The following GRM1 variants were observed in gnomAD, a reference collection of about 807,000 sequenced individuals.
GRM1 encodes the protein metabotropic glutamate receptor 1.
A neutral mutation model predicts 90.9 loss-of-function variants in GRM1; 33 were observed. The ratio of observed to expected loss-of-function variants is 0.36; its 90% CI spans 0.28 to 0.49. The LOEUF is 0.49. Ranked by LOEUF, GRM1 falls within the 20% of genes least tolerant of loss-of-function variation. The pLI, the probability that GRM1 is intolerant of heterozygous loss-of-function variation, is 0.99. For synonymous variants in GRM1, 700 were observed against 613.2 expected, an observed-to-expected ratio of 1.14 and a Z score of -2.09; for missense variants, 1,190 against 1,534.3, an observed-to-expected ratio of 0.78 and a Z score of 3.75.
intron 1 of GRM1, among the ~76,000 whole-genome samples, chr6:146,051,812 T>C (rs1775301732): frequency 6.6e-6 from 1 of 152,080 alleles, no homozygotes; most frequent in South Asian, 2.1e-4. Flanking sequence ...TCATCACTAC[T>C]GTTTCCCAAG....
chr6:146,226,313 C>G (rs756781870), intron 2 of GRM1, among the ~76,000 whole-genome samples: 1 of 152,004 alleles, frequency 6.6e-6, no homozygotes, highest in Non-Finnish European at 1.5e-5. Context: ...GTTGCAATTT[C>G]AGGAAAAATC....
chr6:146,338,623 G>A (rs542894077), intron 3 of GRM1, among the ~76,000 whole-genome samples: 3 of 152,312 alleles, frequency 2.0e-5, no homozygotes, highest in South Asian at 2.1e-4. Context: ...TATGCTAAAC[G>A]TCTATAGGAG....
At chr6:146,030,657 C>T (rs1394624827) in intron 1 of GRM1, among the ~76,000 whole-genome samples, 1 of 152,172 alleles carries the variant, frequency 6.6e-6, no homozygotes, top group Non-Finnish European at 1.5e-5. Context: ...GACTTCAAAG[C>T]TTTATCTTTC....
At chr6:146,301,010 T>C (rs1783358950) in intron 2 of GRM1, among the ~76,000 whole-genome samples, 1 of 152,202 alleles carries the variant, frequency 6.6e-6, no homozygotes, top group African/African-American at 2.4e-5. Context: ...TGAAACACTT[T>C]GAAAGTATAA....
intron 1 of GRM1, among the ~76,000 whole-genome samples, chr6:146,130,666 T>C (rs146053175): frequency 6.6e-6 from 1 of 152,238 alleles, no homozygotes; most frequent in Non-Finnish European, 1.5e-5. Context: ...ATTTTTGTAC[T>C]AAAATTTCAC....
At chr6:146,190,905 T>C (rs554110256) in intron 2 of GRM1, among the ~76,000 whole-genome samples, 12 of 152,302 alleles carry the variant, frequency 7.9e-5, no homozygotes, top group African/African-American at 2.9e-4. Flanking sequence ...ATTTACGTAT[T>C]ATAGGCTGAT....
chr6:146,313,827 T>C (rs979753933), intron 3 of GRM1, among the ~76,000 whole-genome samples: 3 of 152,100 alleles, frequency 2.0e-5, no homozygotes, highest in African/African-American at 7.2e-5. Flanking sequence ...TCAAATTCCT[T>C]TGTGCCTCAT....
intron 3 of GRM1, among the ~76,000 whole-genome samples, chr6:146,325,728 G>A (rs1484626923): frequency 6.6e-6 from 1 of 152,142 alleles, no homozygotes; most frequent in African/African-American, 2.4e-5. Context: ...AAATTAATCT[G>A]TGAAGATTTC....
intron 2 of GRM1, chr6:146,171,202 A>G (rs1445320013): frequency 6.6e-6 from 1 of 152,184 alleles, no homozygotes; most frequent in Non-Finnish European, 1.5e-5. Context: ...TTGCAGAGGA[A>G]GTATGTATTT....
chr6:146,435,185 AG>A lies in GRM1; in HGVS notation c.*391del. On this transcript the variant is annotated 3_prime_UTR_variant, in exon 8 of 8. Coordinates refer to ENST00000282753, the MANE Select transcript of GRM1 (RefSeq NM_001278064.2). The stretch of plus-strand genomic sequence containing the variant: ...CACACACACTGGGCCATGCTTGCCA[AG>A]GAACAGCCCACGTGGACATGCCAGT... 2.9e-6 allele frequency: 1 copy of A among 349,258 alleles called. No homozygotes were observed. Among genetic ancestry groups the A allele is most frequent in the Non-Finnish European group, 5.5e-6 (1 of 180,868 alleles). 21.6% of individuals were successfully genotyped at this position (349,258 alleles called of 1,614,324 possible).
At position 146,191,198 on chromosome 6, in the gene GRM1, C is replaced by A. The variant is rs766108062; in HGVS notation, c.950+31601C>A. On this transcript the variant is annotated intron_variant, in intron 2 of 7. Transcript: ENST00000282753. ...CTGGATTAGGCTTCTTGCCATCGTG[C>A]CCCCATTCCTTTCAGTGTCTTCTCT... is the stretch of plus-strand genomic sequence containing the variant. 4.6e-5 allele frequency among the ~76,000 whole-genome samples: 7 copies of A among 152,168 alleles called. No homozygotes were observed. In the East Asian group the frequency reaches 1.3e-3, roughly 29 times the overall value.
At chr6:146,270,122 T>C (rs2114818690) in intron 2 of GRM1, among the ~76,000 whole-genome samples, 1 of 152,180 alleles carries the variant, frequency 6.6e-6, no homozygotes, top group East Asian at 1.9e-4. Flanking sequence ...AAAAATTAGA[T>C]TTAGGTAGGT....
At chr6:146,380,238 G>T (rs1776269418) in intron 5 of GRM1, among the ~76,000 whole-genome samples, 1 of 152,086 alleles carries the variant, frequency 6.6e-6, no homozygotes, top group South Asian at 2.1e-4. Context: ...AGTTCCATCT[G>T]GGAGTCAAAG....
At chr6:146,280,006 T>C (rs529274780) in intron 2 of GRM1, among the ~76,000 whole-genome samples, 82 of 152,356 alleles carry the variant, frequency 5.4e-4, no homozygotes, top group Admixed American at 1.8e-3. Flanking sequence ...TAGGATTTTA[T>C]TGAACTTCTT....
chr6:146,415,503 C>A (rs184637915), intron 7 of GRM1, among the ~76,000 whole-genome samples: 1 of 152,328 alleles, frequency 6.6e-6, no homozygotes, highest in African/African-American at 2.4e-5. Context: ...CTTTTGTCAA[C>A]ATCAACTGAA....
chr6:146,061,651 G>T (rs1250395962), intron 1 of GRM1, among the ~76,000 whole-genome samples: 1 of 151,946 alleles, frequency 6.6e-6, no homozygotes, highest in Non-Finnish European at 1.5e-5. Context: ...CAAAAACTGG[G>T]TGAAGGATAT....
chr6:146,248,712 C>G (rs1281612093), intron 2 of GRM1, among the ~76,000 whole-genome samples: 1 of 152,138 alleles, frequency 6.6e-6, no homozygotes, highest in African/African-American at 2.4e-5. Context: ...AACTTTGGAA[C>G]TGGGTAACAG....
intron 3 of GRM1, among the ~76,000 whole-genome samples, chr6:146,324,696 C>A (rs148301081): frequency 6.6e-6 from 1 of 152,034 alleles, no homozygotes; most frequent in East Asian, 1.9e-4. Context: ...TGACCCTTTG[C>A]GCTTCCCAGG....
intron 1 of GRM1, among the ~76,000 whole-genome samples, chr6:146,126,129 C>T (rs563364302): frequency 1.3e-5 from 2 of 152,088 alleles, no homozygotes; most frequent in South Asian, 4.1e-4. Context: ...AAGGATCAAA[C>T]GTTGACCAAA....
Sources: gnomAD v4.1 joint callset for allele counts (sites outside exome capture counted in the v4.1 genomes callset) on GRCh38, gnomAD v4.1.1 for gene constraint, MANE v1.5 for transcripts, NCBI Gene and HGNC (gene_info 2026-07-23, HGNC 2026-07-21) for gene names.